The following BBX variants were observed in gnomAD, a reference collection of about 807,000 sequenced individuals.
BBX encodes BBX high mobility group box domain containing.
In BBX, 30 loss-of-function variants were observed where a neutral mutation model predicts 100.2. That is an observed-to-expected ratio of 0.30 (90% CI 0.22 to 0.41). The LOEUF (loss-of-function observed/expected upper bound fraction) is 0.41. BBX is among the 10% of genes least tolerant of loss of function. BBX has a pLI of 1.00. For synonymous variants in BBX, 376 were observed against 388.1 expected, an observed-to-expected ratio of 0.97 and a Z score of 0.37; for missense variants, 1,023 against 1,129.8, an observed-to-expected ratio of 0.91 and a Z score of 1.35.
chr3:107,681,380 G>T (rs934800053), intron 3 of BBX, among the ~76,000 whole-genome samples: 3 of 152,076 alleles, frequency 2.0e-5, no homozygotes, highest in Non-Finnish European at 4.4e-5. Context: ...ATAGTGCAGT[G>T]ATTTTCAACT....
intron 2 of BBX, among the ~76,000 whole-genome samples, chr3:107,560,906 A>C (rs2050444803): frequency 6.6e-6 from 1 of 152,212 alleles, no homozygotes; most frequent in Non-Finnish European, 1.5e-5. Context: ...AATTAAAAGA[A>C]GGGAGAGACT....
chr3:107,636,167 G>A (rs895093714), intron 2 of BBX, among the ~76,000 whole-genome samples: 5 of 152,122 alleles, frequency 3.3e-5, no homozygotes, highest in Admixed American at 6.5e-5. Flanking sequence ...CAGTGTTCAC[G>A]AAGATGGAAT....
Position 107,805,610 on chromosome 3 carries a change from G to A in BBX, c.*153G>A, listed in dbSNP as rs920952730. ...CCAGATTCACTTGAAGCAGAAGTTA[G>A]CATCCTGGGCCAGTTTGTTCTCTCA... On this transcript the variant is annotated 3_prime_UTR_variant, in exon 18 of 18. Coordinates refer to ENST00000325805, the MANE Select transcript of BBX (RefSeq NM_001142568.3). 21 of 1,421,172 alleles carry A rather than the reference G, an allele frequency of 1.5e-5. No homozygotes were observed. Among genetic ancestry groups the A allele is most frequent in the Non-Finnish European group, 1.9e-5 (20 of 1,049,314 alleles). The allele number at this position is 1,421,172 out of a possible 1,614,324, so 88.0% of individuals were successfully genotyped here.
At chr3:107,606,619 A>C (rs1201555487) in intron 2 of BBX, among the ~76,000 whole-genome samples, 1 of 152,178 alleles carries the variant, frequency 6.6e-6, no homozygotes, top group Non-Finnish European at 1.5e-5. Context: ...TTATATTTTT[A>C]CATGGCTATT....
chr3:107,743,918 GTTTTTTTTT>G, intron 7 of BBX, among the ~76,000 whole-genome samples: 1 of 56,624 alleles, frequency 1.8e-5, no homozygotes, highest in Non-Finnish European at 3.1e-5. Flanking sequence ...TGTTTTAGTG[GTTTTTTTTT>G]TTTTTTTTTT....
chr3:107,581,670 C>T (rs569547137), intron 2 of BBX, among the ~76,000 whole-genome samples: 2 of 152,192 alleles, frequency 1.3e-5, no homozygotes, highest in African/African-American at 2.4e-5. Context: ...CATACTCCGT[C>T]GTTAGTGTCC....
In BBX at chr3:107,773,231, G is replaced by A. The variant is rs754679252; in HGVS notation, c.1510G>A (p.Gly504Arg). 24 of 1,613,906 alleles carry A rather than the reference G, an allele frequency of 1.5e-5. No homozygotes were observed. Among genetic ancestry groups the A allele is most frequent in the Non-Finnish European group, 1.9e-5 (23 of 1,179,990 alleles). ...AGGAGACTGGGGCATAGAGAAACTTGGAGATACCCCTCGCAAGAAGGTCCG... is the reference window on the plus strand; with the variant it reads ...AGGAGACTGGGGCATAGAGAAACTTAGAGATACCCCTCGCAAGAAGGTCCG... ...AKGDWGIEKL[G>R]DTPRKKVRTS... The change falls in exon 11 of 18, where the codon GGA (glycine) becomes AGA (arginine). Residue 504 changes from glycine (G) to arginine (R), a missense_variant. This residue lies in a region of BBX where 348 missense variants were observed against 353.2 expected (regional missense o/e 0.99). Coordinates refer to ENST00000325805, the MANE Select transcript of BBX (RefSeq NM_001142568.3). The surrounding 1 kb of genome is among the most constrained non-coding windows in gnomAD (Gnocchi z 4.1).
At chr3:107,605,390 G>T (rs1388536523) in intron 2 of BBX, among the ~76,000 whole-genome samples, 23 of 151,082 alleles carry the variant, frequency 1.5e-4, no homozygotes, top group Admixed American at 3.3e-4. Flanking sequence ...TTTTTTTGGG[G>T]GGGGGATTTA....
At chr3:107,741,307 A>G (rs976417844) in intron 7 of BBX, among the ~76,000 whole-genome samples, 2 of 152,062 alleles carry the variant, frequency 1.3e-5, no homozygotes, top group Admixed American at 6.6e-5. Context: ...CAATTTCACT[A>G]TGTGAATTGC....
At chr3:107,795,550 G>A (rs770300814) in intron 15 of BBX, among the ~76,000 whole-genome samples, 4 of 151,550 alleles carry the variant, frequency 2.6e-5, no homozygotes, top group Non-Finnish European at 4.4e-5. Context: ...TAGGTTTAGA[G>A]GAGACCTCTG....
intron 7 of BBX, among the ~76,000 whole-genome samples, chr3:107,736,032 A>G (rs549056128): frequency 4.3e-4 from 65 of 152,172 alleles, no homozygotes; most frequent in South Asian, 2.1e-3. Context: ...GTACATTGAA[A>G]TGCATAAATT....
At chr3:107,735,184 A>G (rs1360423621) in intron 7 of BBX, among the ~76,000 whole-genome samples, 1 of 152,168 alleles carries the variant, frequency 6.6e-6, no homozygotes, top group African/African-American at 2.4e-5. Flanking sequence ...AGTAGACTGC[A>G]TTAGCACCTG....
intron 7 of BBX, 82 bp from the exon 8 acceptor site, chr3:107,744,548 C>G: frequency 9.9e-7 from 1 of 1,011,540 alleles, no homozygotes; most frequent in Non-Finnish European, 1.5e-6. Flanking sequence ...TAATAAAGAT[C>G]GCAAATGAAG....
intron 3 of BBX, among the ~76,000 whole-genome samples, chr3:107,655,493 C>T (rs1576197436): frequency 6.9e-6 from 1 of 145,212 alleles, no homozygotes; most frequent in African/African-American, 2.5e-5. Context: ...AGTATGGGAA[C>T]TTAAAGTATG....
intron 3 of BBX, among the ~76,000 whole-genome samples, chr3:107,663,335 A>AT (rs958306101): frequency 6.6e-6 from 1 of 151,906 alleles, no homozygotes; most frequent in Non-Finnish European, 1.5e-5. Context: ...AACTATGATA[A>AT]TTTTTTTTGC....
chr3:107,683,783 G>A (rs988572375), intron 3 of BBX, among the ~76,000 whole-genome samples: 7 of 152,148 alleles, frequency 4.6e-5, no homozygotes, highest in African/African-American at 1.7e-4. Flanking sequence ...AGTGCTGTTG[G>A]CAATTTTCCA....
intron 10 of BBX, among the ~76,000 whole-genome samples, chr3:107,757,603 C>A (rs1432554900): frequency 6.6e-6 from 1 of 152,130 alleles, no homozygotes; most frequent in African/African-American, 2.4e-5. Context: ...TGTCTTAATA[C>A]AGTGTATTTT....
chr3:107,570,442 C>G (rs1452831989), intron 2 of BBX, among the ~76,000 whole-genome samples: 1 of 152,042 alleles, frequency 6.6e-6, no homozygotes, highest in East Asian at 1.9e-4. Flanking sequence ...GGGTTGCTAC[C>G]AAACAAGCCA....
Position 107,710,440 on chromosome 3 carries a change from T to G in BBX, c.-9-12T>G. ...CTGTTTCCCTGTTTCTCTCTCTCTC[T>G]TCCTATTACAGGTCACAGTAATGAA... On this transcript the variant is annotated splice_polypyrimidine_tract_variant and intron_variant, in intron 3 of 17. Transcript: ENST00000325805. The G allele has an allele frequency of 6.3e-7, 1 of 1,582,370 alleles. No individual in the cohort carries two copies. Among genetic ancestry groups the G allele is most frequent in the African/African-American group, 1.4e-5 (1 of 73,728 alleles).
Sources: allele counts gnomAD v4.1 joint callset (sites outside exome capture counted in the v4.1 genomes callset), GRCh38; gene constraint gnomAD v4.1.1; regional missense constraint gnomAD v4.1.1; non-coding constraint Gnocchi (gnomAD v3.1); transcripts MANE v1.5; gene names NCBI Gene and HGNC (gene_info 2026-07-23, HGNC 2026-07-21).